Variants in COBL observed in about 807,000 individuals in gnomAD.
COBL encodes protein cordon-bleu.
Under a neutral mutation model 98.8 loss-of-function variants are expected in COBL, and 51 were observed. The ratio of observed to expected loss-of-function variants is 0.52; its 90% confidence interval spans 0.41 to 0.65. The LOEUF is 0.65. Ranked by LOEUF, COBL falls within the 30% of genes least tolerant of loss-of-function variation. The pLI, the probability that COBL is intolerant of heterozygous loss-of-function variation, is 0.00. For missense variants in COBL, 1,617 were observed against 1,617.5 expected (o/e 1.00, Z 0.01); for synonymous variants, 634 against 651.7 (o/e 0.97, Z 0.41).
intron 1 of COBL, among the ~76,000 whole-genome samples, chr7:51,314,432 A>G (rs1803340678): frequency 1.3e-5 from 2 of 152,252 alleles, no homozygotes; most frequent in African/African-American, 4.8e-5. Flanking sequence ...CTCAGTGAAG[A>G]GCCAACAGAA....
At chr7:51,103,083 C>G (rs902857075) in intron 6 of COBL, among the ~76,000 whole-genome samples, 1 of 152,174 alleles carries the variant, frequency 6.6e-6, no homozygotes, top group African/African-American at 2.4e-5. Context: ...AAATAACATT[C>G]TTAAAAACTG....
At chr7:51,040,616 T>A (rs183072783) in intron 8 of COBL, among the ~76,000 whole-genome samples, 3 of 152,210 alleles carry the variant, frequency 2.0e-5, no homozygotes, top group Non-Finnish European at 4.4e-5. Flanking sequence ...AAGGTAATGT[T>A]TGGCAAAATT....
At chr7:51,199,329 C>T (rs1009308634) in intron 2 of COBL, among the ~76,000 whole-genome samples, 1 of 152,148 alleles carries the variant, frequency 6.6e-6, no homozygotes, top group African/African-American at 2.4e-5. Flanking sequence ...AGGAGTAGAT[C>T]CTTACTTGCC....
chr7:51,124,109 T>A (rs974211420), intron 6 of COBL, among the ~76,000 whole-genome samples: 2 of 152,170 alleles, frequency 1.3e-5, no homozygotes, highest in African/African-American at 4.8e-5. Flanking sequence ...TTATATGAGA[T>A]GATGTGCATA....
chr7:51,107,988 T>C (rs930494668), intron 6 of COBL, among the ~76,000 whole-genome samples: 1 of 151,978 alleles, frequency 6.6e-6, no homozygotes, highest in Non-Finnish European at 1.5e-5. Context: ...CAGCCCACCC[T>C]CTCCCTCAGC....
chr7:51,145,910 T>G (rs10231416), intron 5 of COBL, among the ~76,000 whole-genome samples: 24,078 of 152,148 alleles, frequency 0.16, 2,690 homozygotes, highest in African/African-American at 0.31. Flanking sequence ...ATCTTTCCGT[T>G]TGTTTACTCC....
intron 1 of COBL, among the ~76,000 whole-genome samples, chr7:51,310,220 G>GAGAACACTGGCAC (rs1371346548): frequency 6.6e-6 from 1 of 152,238 alleles, no homozygotes; most frequent in Admixed American, 6.5e-5. Context: ...AGCACTGGCA[G>GAGAACACTGGCAC]AGAACACTGG....
At position 51,288,835 on chromosome 7, in the gene COBL, T is replaced by C. The variant is rs906895208; in HGVS notation, c.41+27758A>G. ...TGAATTCAAATACTAGTCTTCAAGA[T>C]GGATATCTATGGAAATACTCTTCTA... On this transcript the variant is annotated intron_variant, in intron 1 of 12. Transcript: ENST00000265136. Among the ~76,000 whole-genome samples the C allele has an allele frequency of 6.8e-5, 8 of 117,822 alleles. No individual in the cohort carries two copies. In the East Asian group the frequency reaches 3.2e-3, roughly 46 times the overall value. The allele number at this position is 117,822 out of a possible 152,430, so 77.3% of individuals were successfully genotyped here.
At chr7:51,107,812 G>A (rs560436632) in intron 6 of COBL, among the ~76,000 whole-genome samples, 1 of 152,238 alleles carries the variant, frequency 6.6e-6, no homozygotes, top group Non-Finnish European at 1.5e-5. Flanking sequence ...AAAGCAGCAG[G>A]GAATCTCCTT....
At chr7:51,305,403 T>C (rs774731570) in intron 1 of COBL, among the ~76,000 whole-genome samples, 7 of 152,254 alleles carry the variant, frequency 4.6e-5, no homozygotes, top group South Asian at 4.1e-4. Flanking sequence ...TTCTAACATA[T>C]AATTTTCCTC....
intron 6 of COBL, among the ~76,000 whole-genome samples, chr7:51,106,342 G>A (rs1796267653): frequency 6.6e-6 from 1 of 151,888 alleles, no homozygotes; most frequent in Non-Finnish European, 1.5e-5. Context: ...GCTTTTATTT[G>A]GTCACTGTAA....
intron 7 of COBL, among the ~76,000 whole-genome samples, chr7:51,057,448 A>G (rs1278218846): frequency 6.6e-6 from 1 of 152,158 alleles, no homozygotes; most frequent in Non-Finnish European, 1.5e-5. Flanking sequence ...AAGGTACTCA[A>G]ATACAGTAGA....
At chr7:51,082,254 C>T (rs55687834) in intron 7 of COBL, among the ~76,000 whole-genome samples, 2,217 of 152,276 alleles carry the variant, frequency 0.015, 20 homozygotes, top group Non-Finnish European at 0.023. Flanking sequence ...AGTGATATTG[C>T]GCTGCTCCGT....
chr7:51,277,095 AG>A (rs775218164), intron 1 of COBL, among the ~76,000 whole-genome samples: 3 of 152,206 alleles, frequency 2.0e-5, no homozygotes, highest in East Asian at 3.9e-4. Context: ...AAAGGATCAC[AG>A]GCCAGTCATC....
At chr7:51,025,940 T>G (rs916780790) in intron 11 of COBL, among the ~76,000 whole-genome samples, 4 of 152,202 alleles carry the variant, frequency 2.6e-5, no homozygotes, top group Non-Finnish European at 5.9e-5. Flanking sequence ...CCTGCCTTAC[T>G]GAGAACTCTC....
chr7:51,148,377 T>G (rs1785240307), intron 5 of COBL, among the ~76,000 whole-genome samples: 1 of 152,158 alleles, frequency 6.6e-6, no homozygotes, highest in Non-Finnish European at 1.5e-5. Flanking sequence ...AAGGTACAAC[T>G]CTACTGGCTT....
chr7:51,064,413 C>T (rs1271273918), intron 7 of COBL: 2 of 151,924 alleles, frequency 1.3e-5, no homozygotes, highest in Non-Finnish European at 2.9e-5. Flanking sequence ...CATACCTGTG[C>T]AGCATCATTC....
At chr7:51,169,818 AT>A in intron 5 of COBL, among the ~76,000 whole-genome samples, 1 of 152,342 alleles carries the variant, frequency 6.6e-6, no homozygotes, top group East Asian at 1.9e-4. Context: ...TTACTTGTAC[AT>A]TTTTAAATAA....
chr7:51,024,280 A>C (rs574965868), intron 12 of COBL, among the ~76,000 whole-genome samples: 4 of 152,110 alleles, frequency 2.6e-5, no homozygotes, highest in Non-Finnish European at 5.9e-5. Flanking sequence ...CTGCACTCCA[A>C]CCTGGGCGAC....
Sources: allele counts gnomAD v4.1 joint callset (sites outside exome capture counted in the v4.1 genomes callset), GRCh38; gene constraint gnomAD v4.1.1; transcripts MANE v1.5; gene names NCBI Gene and HGNC (gene_info 2026-07-23, HGNC 2026-07-21).